Variants in ZNF362 observed in about 807,000 individuals in gnomAD.
ZNF362 encodes the protein rotund homolog.
A neutral mutation model predicts 42.9 loss-of-function variants in ZNF362; 11 were observed. That is an observed-to-expected ratio of 0.26 (90% CI 0.16 to 0.42). The LOEUF (loss-of-function observed/expected upper bound fraction) is 0.42. ZNF362 is among the 20% of genes least tolerant of loss of function. The pLI is 1.00. For missense variants in ZNF362, 362 were observed against 576.2 expected (o/e 0.63, Z 3.81); for synonymous variants, 255 against 257.3 (o/e 0.99, Z 0.09).
the ZNF362 span, among the ~76,000 whole-genome samples, chr1:33,192,994 C>CAT: frequency 7.1e-4 from 15 of 21,162 alleles, no homozygotes. Flanking sequence ...CACACACACA[C>CAT]ACACACACAC....
chr1:33,280,588 G>T lies in ZNF362; in HGVS notation c.683+131G>T. 7.0e-7 allele frequency: 1 copy of T among 1,430,756 alleles called. No individual in the cohort carries two copies. 88.6% of individuals were successfully genotyped at this position (1,430,756 alleles called of 1,614,324 possible). The stretch of plus-strand genomic sequence containing the variant: ...GAGGGGCAGGGCTAGGGTCCAGAGG[G>T]GCGGGGCCTTCTGGAGAGCCCCACC... On this transcript the variant is annotated intron_variant, in intron 5 of 8. Transcript: ENST00000539719. This position sits in a 1 kb window ranked among gnomAD's most constrained non-coding sequence, Gnocchi z 5.6.
chr1:33,204,846 A>G, the ZNF362 span, among the ~76,000 whole-genome samples: 1 of 152,348 alleles, frequency 6.6e-6, no homozygotes, highest in South Asian at 2.1e-4. Context: ...AATATGTAAG[A>G]ATCTATTGTA....
At chr1:33,220,255 C>G in the ZNF362 span, among the ~76,000 whole-genome samples, 1 of 152,166 alleles carries the variant, frequency 6.6e-6, no homozygotes, top group Non-Finnish European at 1.5e-5. Context: ...ATGGCTAAGG[C>G]AGGATTATAG....
At chr1:33,160,018 G>A in the ZNF362 span, 19 of 1,555,584 alleles carry the variant, frequency 1.2e-5, no homozygotes, top group South Asian at 1.2e-4. Flanking sequence ...GGAGGAAATC[G>A]AGAGCCTTGA....
chr1:33,158,959 G>A, the ZNF362 span, among the ~76,000 whole-genome samples: 2 of 151,932 alleles, frequency 1.3e-5, no homozygotes, highest in Non-Finnish European at 2.9e-5. Context: ...TCCTGCCTCA[G>A]CCTCCTGAAT....
At chr1:33,137,034 G>T in the ZNF362 span, among the ~76,000 whole-genome samples, 1 of 151,924 alleles carries the variant, frequency 6.6e-6, no homozygotes, top group Non-Finnish European at 1.5e-5. Flanking sequence ...GCCAGTGCTT[G>T]TTGGGAGTGG....
the ZNF362 span, among the ~76,000 whole-genome samples, chr1:33,144,373 G>A: frequency 6.6e-6 from 1 of 152,156 alleles, no homozygotes; most frequent in Non-Finnish European, 1.5e-5. Flanking sequence ...CCCAACCTCA[G>A]GTGATCCGCC....
At chr1:33,138,560 T>A in the ZNF362 span, among the ~76,000 whole-genome samples, 9 of 149,568 alleles carry the variant, frequency 6.0e-5, no homozygotes, top group Non-Finnish European at 1.3e-4. Context: ...GCTGAGGCAC[T>A]GTGATCGTGC....
the ZNF362 span, chr1:33,195,392 C>T: frequency 6.6e-6 from 1 of 152,090 alleles, no homozygotes; most frequent in Non-Finnish European, 1.5e-5. Flanking sequence ...TAAAACTGGA[C>T]AAAACAGTTA....
At chr1:33,242,090 C>G in the ZNF362 span, among the ~76,000 whole-genome samples, 2 of 152,112 alleles carry the variant, frequency 1.3e-5, no homozygotes, top group Non-Finnish European at 2.9e-5. Flanking sequence ...GCTGTGGACA[C>G]GTGGAATCTC....
At chr1:33,178,824 AT>A in the ZNF362 span, among the ~76,000 whole-genome samples, 1 of 152,250 alleles carries the variant, frequency 6.6e-6, no homozygotes, top group African/African-American at 2.4e-5. Context: ...TTTCAATAAT[AT>A]TTGTAGGTAA....
the ZNF362 span, among the ~76,000 whole-genome samples, chr1:33,237,803 TC>T: frequency 6.6e-6 from 1 of 152,174 alleles, no homozygotes; most frequent in Non-Finnish European, 1.5e-5. Context: ...GGTTTCTCTT[TC>T]TTTACTCCGT....
the ZNF362 span, among the ~76,000 whole-genome samples, chr1:33,152,335 G>A: frequency 6.6e-6 from 1 of 152,194 alleles, no homozygotes; most frequent in Non-Finnish European, 1.5e-5. Flanking sequence ...GGAGGCCGAG[G>A]CAGGCGGATC....
chr1:33,281,528 T>TC lies in ZNF362; in HGVS notation c.684-55dup, dbSNP rs1645994340. The TC allele has an allele frequency of 6.4e-7, 1 of 1,552,030 alleles. No homozygotes were observed. Among genetic ancestry groups the TC allele is most frequent in the Non-Finnish European group, 8.9e-7 (1 of 1,126,338 alleles). On this transcript the variant is annotated intron_variant, in intron 5 of 8. Transcript: ENST00000539719. This position sits in a 1 kb window ranked among gnomAD's most constrained non-coding sequence, Gnocchi z 4.8. The stretch of plus-strand genomic sequence containing the variant: ...CAAGGTCTCTCTGATGTAGAAGGCC[T>TC]CCCCTGAGATGGACAGTCTGGGGGA...
chr1:33,298,016 C>G (rs987556473), intron 8 of ZNF362, among the ~76,000 whole-genome samples: 3 of 152,208 alleles, frequency 2.0e-5, no homozygotes. Context: ...AGGGCTTCCT[C>G]TGCTGGGTTC....
the ZNF362 span, among the ~76,000 whole-genome samples, chr1:33,188,844 C>T: frequency 6.6e-6 from 1 of 152,232 alleles, no homozygotes; most frequent in Admixed American, 6.5e-5. Flanking sequence ...GATTGTTCAG[C>T]ACCTTCTCTG....
chr1:33,140,635 A>G, the ZNF362 span, among the ~76,000 whole-genome samples: 5 of 152,318 alleles, frequency 3.3e-5, no homozygotes, highest in East Asian at 9.6e-4. This position sits in a 1 kb window ranked among gnomAD's most constrained non-coding sequence, Gnocchi z 4.0. Flanking sequence ...ATCAGTCCCA[A>G]TGCTTTCACT....
At chr1:33,165,740 C>T in the ZNF362 span, 1 of 458,200 alleles carries the variant, frequency 2.2e-6, no homozygotes, top group African/African-American at 2.0e-5. The surrounding 1 kb of genome is among the most constrained non-coding windows in gnomAD (Gnocchi z 4.0). Context: ...CTCCTAAACA[C>T]CTCCAGAACC....
the ZNF362 span, chr1:33,165,230 TA>T: frequency 2.4e-6 from 1 of 413,574 alleles, no homozygotes; most frequent in Non-Finnish European, 4.4e-6. This position sits in a 1 kb window ranked among gnomAD's most constrained non-coding sequence, Gnocchi z 4.0. Flanking sequence ...GCCCCGTCCT[TA>T]ACCGAGGGAC....
Sources: gnomAD v4.1 joint callset for allele counts (sites outside exome capture counted in the v4.1 genomes callset) on GRCh38, gnomAD v4.1.1 for gene constraint, Gnocchi (gnomAD v3.1) non-coding constraint, MANE v1.5 for transcripts, NCBI Gene and HGNC (gene_info 2026-07-23, HGNC 2026-07-21) for gene names.